DGLUCY: variants seen among roughly 807,000 people sequenced by gnomAD.
DGLUCY encodes the protein D-glutamate cyclase, mitochondrial.
Under a neutral mutation model 58.5 loss-of-function variants are expected in DGLUCY, and 58 were observed. The observed-to-expected ratio is 0.99, with a 90% CI of 0.80 to 1.23. The LOEUF is 1.23. DGLUCY is among the 50% of genes most tolerant of loss of function. The probability of loss-of-function intolerance (pLI) is 0.00; values close to 1 mark genes in which losing one functional copy is unlikely to be tolerated. For synonymous variants in DGLUCY, 325 were observed against 314.1 expected (o/e 1.03, Z -0.37); for missense variants, 779 against 784.7 (o/e 0.99, Z 0.09).
intron 1 of DGLUCY, among the ~76,000 whole-genome samples, chr14:91,097,524 T>A (rs570021959): frequency 1.3e-5 from 2 of 152,164 alleles, no homozygotes; most frequent in Non-Finnish European, 2.9e-5. Flanking sequence ...GAGAAATAAA[T>A]CTCAATAAAG....
intron 1 of DGLUCY, among the ~76,000 whole-genome samples, chr14:91,090,166 G>A (rs138827216): frequency 1.1e-3 from 160 of 152,222 alleles, no homozygotes; most frequent in African/African-American, 3.6e-3. Flanking sequence ...TCATTGCACC[G>A]CCACAGGGAG....
chr14:91,217,416 C>A (rs1886717957), intron 13 of DGLUCY, among the ~76,000 whole-genome samples: 1 of 151,500 alleles, frequency 6.6e-6, no homozygotes, highest in Non-Finnish European at 1.5e-5. Context: ...AGTCCCCTGC[C>A]AGTGGGCAGG....
intron 1 of DGLUCY, among the ~76,000 whole-genome samples, chr14:91,157,311 GTGGATGGATGGA>G (rs1251135024): frequency 1.3e-5 from 2 of 150,010 alleles, no homozygotes; most frequent in Non-Finnish European, 3.0e-5. Context: ...GGATGAATGG[GTGGATGGATGGA>G]TGGATGGATA....
intron 1 of DGLUCY, among the ~76,000 whole-genome samples, chr14:91,099,445 A>T (rs1035696647): frequency 6.6e-6 from 1 of 150,680 alleles, no homozygotes; most frequent in Non-Finnish European, 1.5e-5. Flanking sequence ...AAGTGGGAGG[A>T]TTGTTTGAGC....
chr14:91,214,075 AC>A (rs1886143795), intron 12 of DGLUCY, among the ~76,000 whole-genome samples: 3 of 149,582 alleles, frequency 2.0e-5, no homozygotes, highest in South Asian at 4.2e-4. Context: ...CCATTCCTCC[AC>A]CCCTCTTCTG....
intron 11 of DGLUCY, 84 bp downstream of exon 11, chr14:91,199,989 C>G (rs2050455487): frequency 1.3e-6 from 2 of 1,554,444 alleles, no homozygotes; most frequent in African/African-American, 1.4e-5. Flanking sequence ...GAGTCTTGCT[C>G]TGTCACCCAG....
intron 1 of DGLUCY, among the ~76,000 whole-genome samples, chr14:91,076,718 T>C (rs544814822): frequency 6.6e-6 from 1 of 152,164 alleles, no homozygotes; most frequent in African/African-American, 2.4e-5. Context: ...AATCCAGGAT[T>C]CTAGGCAGAG....
intron 1 of DGLUCY, among the ~76,000 whole-genome samples, chr14:91,102,934 G>A (rs2044518636): frequency 6.6e-6 from 1 of 151,916 alleles, no homozygotes; most frequent in African/African-American, 2.4e-5. Context: ...GCTAATTTTT[G>A]TATTTTTAGT....
chr14:91,143,700 C>T (rs2046862980), intron 1 of DGLUCY, among the ~76,000 whole-genome samples: 1 of 152,122 alleles, frequency 6.6e-6, no homozygotes, highest in South Asian at 2.1e-4. Flanking sequence ...GGACAATATA[C>T]CTGTGAGGGC....
At chr14:91,176,639 G>A (rs929270268) in intron 7 of DGLUCY, among the ~76,000 whole-genome samples, 3 of 152,052 alleles carry the variant, frequency 2.0e-5, no homozygotes, top group Non-Finnish European at 4.4e-5. Flanking sequence ...TCACTCTGTC[G>A]CCCAGGCTGG....
intron 1 of DGLUCY, among the ~76,000 whole-genome samples, chr14:91,134,427 C>G (rs956352268): frequency 1.3e-5 from 2 of 151,612 alleles, no homozygotes; most frequent in Non-Finnish European, 2.9e-5. Context: ...TGGTATCATT[C>G]AAAATTACAT....
intron 4 of DGLUCY, among the ~76,000 whole-genome samples, chr14:91,169,275 C>G (rs1215583530): frequency 2.0e-5 from 3 of 152,086 alleles, no homozygotes; most frequent in Non-Finnish European, 4.4e-5. Context: ...GAAGAGTTTC[C>G]TTTAAGGGAA....
At chr14:91,102,772 T>TGTGTGTGC (rs1420632287) in intron 1 of DGLUCY, among the ~76,000 whole-genome samples, 1 of 151,408 alleles carries the variant, frequency 6.6e-6, no homozygotes, top group Non-Finnish European at 1.5e-5. Context: ...TGTGTGTGTG[T>TGTGTGTGC]GTGTGTGTGT....
chr14:91,194,172 C>T (rs906239594), intron 9 of DGLUCY, among the ~76,000 whole-genome samples: 4 of 152,218 alleles, frequency 2.6e-5, no homozygotes, highest in African/African-American at 9.7e-5. Context: ...TAGCACACAG[C>T]ATGTCATTGC....
intron 1 of DGLUCY, among the ~76,000 whole-genome samples, chr14:91,156,893 G>T (rs536836285): frequency 7.2e-5 from 11 of 152,318 alleles, no homozygotes; most frequent in African/African-American, 2.6e-4. Context: ...AAAAGCATAT[G>T]GGCTGAAGAG....
rs755539019 is a variant in DGLUCY at position 91,160,363 on chromosome 14, A to G, written c.69A>G (p.Lys23=). The G allele has an allele frequency of 2.5e-6, 4 of 1,613,210 alleles. No individual in the cohort carries two copies. The highest frequency in any genetic ancestry group is 2.2e-5 in the East Asian group (1 of 44,858). Residue 23 remains lysine (K), a synonymous_variant, in exon 3 of 14, where the codon AAA becomes AAG. Coordinates refer to ENST00000256324, the MANE Select transcript of DGLUCY (RefSeq NM_001102368.3). ...SAIRSLILQK[K]PNIRNTSSMA... Reference sequence around the variant, plus strand: ...TAAGGAGTTTGATTCTACAAAAGAAACCAAACATCAGAAATACATCCAGCA... The same window carrying G: ...TAAGGAGTTTGATTCTACAAAAGAAGCCAAACATCAGAAATACATCCAGCA...
At chr14:91,076,164 C>A (rs2044018158) in intron 1 of DGLUCY, among the ~76,000 whole-genome samples, 1 of 151,688 alleles carries the variant, frequency 6.6e-6, no homozygotes, top group African/African-American at 2.4e-5. Flanking sequence ...AAGCTCATAG[C>A]TAGGTAAGAG....
chr14:91,184,082 C>T (rs115200847), intron 8 of DGLUCY, among the ~76,000 whole-genome samples: 3,575 of 152,030 alleles, frequency 0.024, 143 homozygotes, highest in African/African-American at 0.081. Context: ...CAATGGTGGC[C>T]GACCTCCGTG....
At position 91,204,767 on chromosome 14, in the gene DGLUCY, C is replaced by T. The variant is rs765590138; in HGVS notation, c.1506C>T (p.His502=). The T allele has an allele frequency of 1.2e-5, 20 of 1,614,032 alleles. No individual in the cohort carries two copies. In the Middle Eastern group the frequency reaches 4.9e-4, roughly 40 times the overall value. ...AAGTCAAGGAGGCTGTGAGGAGGCACATACGGCACGGGGATGTCATCGCCT... is the reference window on the plus strand; with the variant it reads ...AAGTCAAGGAGGCTGTGAGGAGGCATATACGGCACGGGGATGTCATCGCCT... ...MGKVKEAVRR[H]IRHGDVIACD... The change falls in exon 12 of 14, where the codon CAC becomes CAT. Residue 502 remains histidine (H), a synonymous_variant. Coordinates refer to ENST00000256324, the MANE Select transcript of DGLUCY (RefSeq NM_001102368.3).
Sources: gnomAD v4.1 joint callset for allele counts (sites outside exome capture counted in the v4.1 genomes callset) on GRCh38, gnomAD v4.1.1 for gene constraint, MANE v1.5 for transcripts, NCBI Gene and HGNC (gene_info 2026-07-23, HGNC 2026-07-21) for gene names.